The following ZBTB8B variants were observed in gnomAD, a reference collection of about 807,000 sequenced individuals.
The protein encoded by ZBTB8B is zinc finger and BTB domain containing 8B.
A neutral mutation model predicts 30.3 loss-of-function variants in ZBTB8B; 17 were observed. That is an observed-to-expected ratio of 0.56 (90% CI 0.38 to 0.84). The LOEUF (loss-of-function observed/expected upper bound fraction) is 0.84. ZBTB8B is among the 40% of genes least tolerant of loss of function. The pLI is 0.00. For missense variants in ZBTB8B, 515 were observed against 644.9 expected (o/e 0.80, Z 2.18); for synonymous variants, 248 against 255.6 (o/e 0.97, Z 0.28).
Position 32,471,401 on chromosome 1 carries a change from G to A in ZBTB8B, c.777G>A (p.Glu259=), listed in dbSNP as rs1215603089. ...CCCCGCTGAACCTGGCCCACGTGGA[G>A]GAGGCCTTGCCAAGCGGCCAGGCGG... is the stretch of plus-strand genomic sequence containing the variant. The part of the protein sequence containing the change: ...YAAPLNLAHV[E]EALPSGQAVD... Residue 259 remains glutamate (E), a synonymous_variant, in exon 2 of 4, where the codon GAG becomes GAA. Coordinates refer to ENST00000609129, the MANE Select transcript of ZBTB8B (RefSeq NM_001145720.2). The A allele has an allele frequency of 1.3e-6, 2 of 1,551,720 alleles. No individual in the cohort carries two copies.
rs942608001 is a variant in ZBTB8B at position 32,465,591 on chromosome 1, T to C, written c.-42+486T>C. Among the ~76,000 whole-genome samples, 6 of 152,202 alleles carry C rather than the reference T, an allele frequency of 3.9e-5. No homozygotes were observed. Among genetic ancestry groups the C allele is most frequent in the Non-Finnish European group, 7.3e-5 (5 of 68,028 alleles). On this transcript the variant is annotated intron_variant, in intron 1 of 3. Transcript: ENST00000609129. The surrounding 1 kb of genome is among the most constrained non-coding windows in gnomAD (Gnocchi z 4.1). ...GGGTCTGTCTTGCGAGCAGTTTAGA[T>C]GCAGTTGACCCTGAAATTCTTCGTA...
intron 1 of ZBTB8B, among the ~76,000 whole-genome samples, chr1:32,467,210 T>G (rs1179374046): frequency 6.7e-6 from 1 of 149,832 alleles, no homozygotes; most frequent in Non-Finnish European, 1.5e-5. Context: ...CAGAAAGGTT[T>G]AAAATGAAAG....
Position 32,465,392 on chromosome 1 carries a change from G to A in ZBTB8B, c.-42+287G>A, listed in dbSNP as rs995312798. On this transcript the variant is annotated intron_variant, in intron 1 of 3. Coordinates refer to ENST00000609129, the MANE Select transcript of ZBTB8B (RefSeq NM_001145720.2). This position sits in a 1 kb window ranked among gnomAD's most constrained non-coding sequence, Gnocchi z 4.1. Reference sequence around the variant, plus strand: ...GCGCCGACTACTTCCACGGTGAATGGTGCCCAGGCGTGGGGGGCTCGGCCA... The same window carrying A: ...GCGCCGACTACTTCCACGGTGAATGATGCCCAGGCGTGGGGGGCTCGGCCA... 1.3e-5 allele frequency among the ~76,000 whole-genome samples: 2 copies of A among 152,262 alleles called. No individual in the cohort carries two copies. The highest frequency in any genetic ancestry group is 2.9e-5 in the Non-Finnish European group (2 of 68,052).
At chr1:32,469,299 G>A (rs1039419753) in intron 1 of ZBTB8B, among the ~76,000 whole-genome samples, 1 of 140,254 alleles carries the variant, frequency 7.1e-6, no homozygotes, top group East Asian at 2.1e-4. Flanking sequence ...AGGCTGGAGT[G>A]TAGTGGCGCA....
In ZBTB8B at chr1:32,481,065, T is replaced by C. The variant is rs765535490; in HGVS notation, c.1166T>C (p.Leu389Pro). The C allele has an allele frequency of 2.3e-5, 36 of 1,548,560 alleles. No individual in the cohort carries two copies. The highest frequency in any genetic ancestry group is 2.4e-5 in the East Asian group (1 of 40,864). Residue 389 changes from leucine (L) to proline (P), a missense_variant, in exon 3 of 4, where the codon CTG (leucine) becomes CCG (proline). By Grantham distance (98) the Leu-to-Pro change is moderately conservative. Coordinates refer to ENST00000609129, the MANE Select transcript of ZBTB8B (RefSeq NM_001145720.2). Reference protein sequence around the residue: ...TRQEHLRSHALSVHRSNRPII... With the variant: ...TRQEHLRSHAPSVHRSNRPII... Reference sequence around the variant, plus strand: ...CAAGAGCACCTGCGGAGCCACGCACTGAGTGTAAGTGTTCGAGCTGGCCAT... The same window carrying C: ...CAAGAGCACCTGCGGAGCCACGCACCGAGTGTAAGTGTTCGAGCTGGCCAT...
At chr1:32,481,095 T>A (rs1254989550) in intron 3 of ZBTB8B, 26 bp downstream of exon 3, 6 of 1,528,304 alleles carry the variant, frequency 3.9e-6, no homozygotes, top group Non-Finnish European at 4.4e-6. Context: ...GGCCATGCCC[T>A]TGTGGCAAGA....
chr1:32,485,999 C>T lies in ZBTB8B; in HGVS notation c.*581C>T, dbSNP rs978845176. The T allele has an allele frequency of 6.5e-6, 1 of 153,526 alleles. No individual in the cohort carries two copies. Among genetic ancestry groups the T allele is most frequent in the Non-Finnish European group, 1.4e-5 (1 of 69,016 alleles). 9.5% of individuals were successfully genotyped at this position (153,526 alleles called of 1,614,324 possible). Reference sequence around the variant, plus strand: ...CTTGGAATACTTATGGGCAGACGAACATGGGAATGATCTGAAAGGCTCATT... The same window carrying T: ...CTTGGAATACTTATGGGCAGACGAATATGGGAATGATCTGAAAGGCTCATT... On this transcript the variant is annotated 3_prime_UTR_variant, in exon 4 of 4. Coordinates refer to ENST00000609129, the MANE Select transcript of ZBTB8B (RefSeq NM_001145720.2).
Position 32,496,464 on chromosome 1 carries a change from G to A in ZBTB8B, c.*11046G>A, listed in dbSNP as rs989140603. 2 of 152,182 alleles carry A rather than the reference G, an allele frequency of 1.3e-5. No individual in the cohort carries two copies. The highest frequency in any genetic ancestry group is 4.8e-5 in the African/African-American group (2 of 41,440). The allele number at this position is 152,182 out of a possible 1,614,324, so 9.4% of individuals were successfully genotyped here. The stretch of plus-strand genomic sequence containing the variant: ...ACATATTTATTAAAAAGAGGAGCCA[G>A]AGTTGGAAATCATCTTGACCATTAA... On this transcript the variant is annotated 3_prime_UTR_variant, in exon 4 of 4. Coordinates refer to ENST00000609129, the MANE Select transcript of ZBTB8B (RefSeq NM_001145720.2).
intron 2 of ZBTB8B, among the ~76,000 whole-genome samples, chr1:32,477,528 A>C (rs1002951757): frequency 1.3e-5 from 2 of 152,190 alleles, no homozygotes; most frequent in African/African-American, 4.8e-5. Flanking sequence ...ATGGAGATAA[A>C]TAACAAGGAA....
At position 32,471,012 on chromosome 1, in the gene ZBTB8B, A is replaced by G. The variant is rs1237526286; in HGVS notation, c.388A>G (p.Lys130Glu). 1 of 1,552,050 alleles carries G rather than the reference A, an allele frequency of 6.4e-7. No individual in the cohort carries two copies. Among genetic ancestry groups the G allele is most frequent in the East Asian group, 2.4e-5 (1 of 40,924 alleles). ...SSLDICRKME[K>E]EAAVAAAVAA... ...CCTCGACATTTGCCGAAAGATGGAG[A>G]AGGAGGCTGCTGTGGCTGCAGCAGT... The change falls in exon 2 of 4, where the codon AAG becomes GAG. Residue 130 changes from lysine (K) to glutamate (E), a missense_variant. By Grantham distance (56) the Lys-to-Glu change is moderately conservative. This residue lies in a region of ZBTB8B where 429 missense variants were observed against 504.3 expected (regional missense o/e 0.85). Coordinates refer to ENST00000609129, the MANE Select transcript of ZBTB8B (RefSeq NM_001145720.2).
intron 1 of ZBTB8B, among the ~76,000 whole-genome samples, chr1:32,466,760 C>T (rs567461754): frequency 5.9e-5 from 9 of 152,218 alleles, no homozygotes; most frequent in East Asian, 3.9e-4. Context: ...CAGTGAAAGA[C>T]GGAAGTGCCC....
In ZBTB8B at chr1:32,487,217, T is replaced by A. The variant is rs891809091; in HGVS notation, c.*1799T>A. On this transcript the variant is annotated 3_prime_UTR_variant, in exon 4 of 4. Transcript: ENST00000609129. Reference sequence around the variant, plus strand: ...TTAGCCAAAGCATTAGACAGGTGTTTAAGTCGTACTTCTCAATAGTAGTTA... The same window carrying A: ...TTAGCCAAAGCATTAGACAGGTGTTAAAGTCGTACTTCTCAATAGTAGTTA... 6.6e-6 allele frequency: 1 copy of A among 152,240 alleles called. No homozygotes were observed. Among genetic ancestry groups the A allele is most frequent in the African/African-American group, 2.4e-5 (1 of 41,474 alleles). The allele number at this position is 152,240 out of a possible 1,614,324, so 9.4% of individuals were successfully genotyped here. A position where few individuals can be genotyped will look rare whatever the true frequency, so the allele number is the denominator to read the frequency against.
rs1643759599 is a variant in ZBTB8B at position 32,488,341 on chromosome 1, A to C, written c.*2923A>C. On this transcript the variant is annotated 3_prime_UTR_variant, in exon 4 of 4. Transcript: ENST00000609129. ...TTTACTTGGCCAGGAACAGTGTTTGATATTTTTGCTTTCTCTGTTTAAATT... is the reference window on the plus strand; with the variant it reads ...TTTACTTGGCCAGGAACAGTGTTTGCTATTTTTGCTTTCTCTGTTTAAATT... 6.6e-6 allele frequency: 1 copy of C among 152,198 alleles called. No individual in the cohort carries two copies. Among genetic ancestry groups the C allele is most frequent in the African/African-American group, 2.4e-5 (1 of 41,454 alleles). 9.4% of individuals were successfully genotyped at this position (152,198 alleles called of 1,614,324 possible). A position where few individuals can be genotyped will look rare whatever the true frequency, so the allele number is the denominator to read the frequency against.
At position 32,470,596 on chromosome 1, in the gene ZBTB8B, G is replaced by T. The variant is rs529611060; in HGVS notation, c.-29G>T. Reference sequence around the variant, plus strand: ...AAAATCTTGGCAGAGATACAGGTTTGCTCTGGAGCAGCAGCAGCTGGCGGA... The same window carrying T: ...AAAATCTTGGCAGAGATACAGGTTTTCTCTGGAGCAGCAGCAGCTGGCGGA... On this transcript the variant is annotated 5_prime_UTR_variant, in exon 2 of 4. Transcript: ENST00000609129. The T allele has an allele frequency of 6.6e-7, 1 of 1,523,376 alleles. No homozygotes were observed. The highest frequency in any genetic ancestry group is 1.4e-5 in the African/African-American group (1 of 71,870). 94.4% of individuals were successfully genotyped at this position (1,523,376 alleles called of 1,614,324 possible).
chr1:32,471,206 C>T lies in ZBTB8B; in HGVS notation c.582C>T (p.Cys194=), dbSNP rs34958581. Residue 194 remains cysteine (C), a synonymous_variant, in exon 2 of 4, where the codon TGC becomes TGT. Transcript: ENST00000609129. ...KSVECLRESP[C]GDCGDCHPLE... ...TGGAGTGCCTGAGAGAGTCCCCTTG[C>T]GGTGACTGCGGAGACTGCCACCCCT... The T allele has an allele frequency of 2.5e-3, 3,957 of 1,551,878 alleles. 95 individuals are homozygous for T. In the African/African-American group the frequency reaches 0.047, roughly 18 times the overall value.
rs1036195319 is a variant in ZBTB8B, at chr1:32,488,173, G to T, written c.*2755G>T. The T allele has an allele frequency of 5.3e-5, 8 of 152,350 alleles. No individual in the cohort carries two copies. In the East Asian group the frequency reaches 1.5e-3, roughly 29 times the overall value. The allele number at this position is 152,350 out of a possible 1,614,324, so 9.4% of individuals were successfully genotyped here. A position where few individuals can be genotyped will look rare whatever the true frequency, so the allele number is the denominator to read the frequency against. On this transcript the variant is annotated 3_prime_UTR_variant, in exon 4 of 4. Coordinates refer to ENST00000609129, the MANE Select transcript of ZBTB8B (RefSeq NM_001145720.2). ...AATCGCTTGAACCCAGGAGGCGGAG[G>T]TTGCTGTGAGCCGACATCACACCAC... is the stretch of plus-strand genomic sequence containing the variant.
chr1:32,467,337 C>T (rs903360291), intron 1 of ZBTB8B, among the ~76,000 whole-genome samples: 21 of 151,536 alleles, frequency 1.4e-4, no homozygotes, highest in Admixed American at 7.9e-4. Flanking sequence ...CCGCCTCCAC[C>T]GCCTCCTGGG....
rs963462426 is a variant in ZBTB8B, at chr1:32,496,350, A to G, written c.*10932A>G. ...GAGCTCTACAGTTACACACTGTCCA[A>G]CAGCTCTCGGAAGAAAAACAGAAAC... On this transcript the variant is annotated 3_prime_UTR_variant, in exon 4 of 4. Coordinates refer to ENST00000609129, the MANE Select transcript of ZBTB8B (RefSeq NM_001145720.2). The G allele has an allele frequency of 1.3e-5, 2 of 152,226 alleles. No individual in the cohort carries two copies. Among genetic ancestry groups the G allele is most frequent in the African/African-American group, 4.8e-5 (2 of 41,462 alleles). 9.4% of individuals were successfully genotyped at this position (152,226 alleles called of 1,614,324 possible). A position where few individuals can be genotyped will look rare whatever the true frequency, so the allele number is the denominator to read the frequency against.
chr1:32,473,031 A>G (rs750158942), intron 2 of ZBTB8B, among the ~76,000 whole-genome samples: 1 of 152,216 alleles, frequency 6.6e-6, no homozygotes, highest in Non-Finnish European at 1.5e-5. Flanking sequence ...CAGTTATGAG[A>G]GTTGAGTTAA....
Sources: gnomAD v4.1 joint callset for allele counts (sites outside exome capture counted in the v4.1 genomes callset) on GRCh38, gnomAD v4.1.1 for gene constraint, gnomAD v4.1.1 regional missense constraint, Gnocchi (gnomAD v3.1) non-coding constraint, MANE v1.5 for transcripts, NCBI Gene and HGNC (gene_info 2026-07-23, HGNC 2026-07-21) for gene names.